Variants in SPRY3 observed in about 807,000 individuals in gnomAD.
SPRY3 encodes the protein protein sprouty homolog 3.
In SPRY3, 15 loss-of-function variants were observed where a neutral mutation model predicts 20.2. The observed-to-expected ratio is 0.74, with a 90% CI of 0.50 to 1.14. SPRY3 has a LOEUF of 1.14. Among genes scored for constraint, SPRY3 ranks in the 50% most tolerant of loss-of-function variants. The pLI is 0.00. For synonymous variants in SPRY3, 143 were observed against 136.5 expected (o/e 1.05, Z -0.33); for missense variants, 364 against 363.9 (o/e 1.00, Z 0.00).
At chrX:155,620,254 A>G in intron 1 of SPRY3, among the ~76,000 whole-genome samples, 1 of 111,426 alleles carries the variant, frequency 9.0e-6, no homozygotes, top group East Asian at 2.8e-4. Context: ...TTAGTTAAAC[A>G]CACTTTATAA....
At chrX:155,685,314 T>C (rs751396153) in intron 2 of SPRY3, among the ~76,000 whole-genome samples, 1 of 111,323 alleles carries the variant, frequency 9.0e-6, no homozygotes, top group Admixed American at 9.6e-5. Context: ...TTTCTATTGC[T>C]CTATCTTCAA....
At chrX:155,745,144 C>T (rs1370531106) in intron 2 of SPRY3, among the ~76,000 whole-genome samples, 1 of 152,052 alleles carries the variant, frequency 6.6e-6, no homozygotes, top group Non-Finnish European at 1.5e-5. Context: ...TTTCCCCAAG[C>T]TTGAGAAACT....
intron 2 of SPRY3, among the ~76,000 whole-genome samples, chrX:155,725,399 G>C (rs2091090409): frequency 6.6e-6 from 1 of 152,170 alleles, no homozygotes; most frequent in African/African-American, 2.4e-5. Context: ...AATGGTACCA[G>C]CTCCTCTTTG....
intron 2 of SPRY3, among the ~76,000 whole-genome samples, chrX:155,692,372 T>C (rs1197873607): frequency 9.0e-6 from 1 of 111,537 alleles, no homozygotes; most frequent in African/African-American, 3.3e-5. Context: ...CATGTCTGAG[T>C]CTATTATGTT....
intron 3 of SPRY3, among the ~76,000 whole-genome samples, chrX:155,772,946 A>G (rs2091390257): frequency 6.6e-6 from 1 of 152,052 alleles, no homozygotes; most frequent in African/African-American, 2.4e-5. Flanking sequence ...GATTTTTGAA[A>G]TAATTCAGGA....
intron 2 of SPRY3, among the ~76,000 whole-genome samples, chrX:155,752,920 C>T (rs2124584436): frequency 6.6e-6 from 1 of 151,862 alleles, no homozygotes; most frequent in Non-Finnish European, 1.5e-5. Context: ...ATCCAAAATA[C>T]ATGTAAAAGA....
At chrX:155,675,739 A>C in intron 2 of SPRY3, among the ~76,000 whole-genome samples, 1 of 111,896 alleles carries the variant, frequency 8.9e-6, no homozygotes, top group Middle Eastern at 4.6e-3. Context: ...TTGTGCCAAG[A>C]GTGCATAAAA....
intron 2 of SPRY3, among the ~76,000 whole-genome samples, chrX:155,749,813 G>A (rs892996520): frequency 2.0e-5 from 3 of 151,860 alleles, no homozygotes; most frequent in Admixed American, 2.0e-4. Context: ...ATGAAGAGCT[G>A]AAGTTTTGGA....
At chrX:155,754,405 G>T (rs1490069234) in intron 2 of SPRY3, among the ~76,000 whole-genome samples, 15 of 152,078 alleles carry the variant, frequency 9.9e-5, no homozygotes, top group African/African-American at 3.1e-4. Flanking sequence ...GATCATAAAC[G>T]TAAGGTTTTA....
At chrX:155,737,018 G>A (rs2091174755) in intron 2 of SPRY3, among the ~76,000 whole-genome samples, 1 of 151,720 alleles carries the variant, frequency 6.6e-6, no homozygotes, top group Admixed American at 6.6e-5. Flanking sequence ...GTGTTTTTTT[G>A]TTTCTAGCAT....
intron 2 of SPRY3, among the ~76,000 whole-genome samples, chrX:155,698,530 G>T (rs1266195573): frequency 8.9e-6 from 1 of 111,922 alleles, no homozygotes; most frequent in African/African-American, 3.2e-5. Flanking sequence ...CCAGGGAAGA[G>T]AAATAACTTA....
downstream of SPRY3, chrX:155,777,111 C>G (rs779110887): frequency 7.2e-5 from 12 of 167,072 alleles, no homozygotes; most frequent in African/African-American, 2.6e-4. Flanking sequence ...GTACTTTACA[C>G]TTATCTACCC....
In SPRY3 at chrX:155,635,072, G is replaced by A. The variant is rs1353881045; in HGVS notation, c.-440-21795G>A. ...CTCCCAACAGGCCCCAGCGTGTGAT[G>A]CCCCCCTCCCATGTCCATGTGTTCT... On this transcript the variant is annotated intron_variant, in intron 1 of 3. Transcript: ENST00000675360. Among the ~76,000 whole-genome samples, 11 of 108,300 alleles carry A rather than the reference G, an allele frequency of 1.0e-4. No homozygotes were observed. In the Admixed American group the frequency reaches 1.1e-3, roughly 11 times the overall value. The allele number at this position is 108,300 out of a possible 115,157, so 94.0% of individuals were successfully genotyped here.
intron 2 of SPRY3, among the ~76,000 whole-genome samples, chrX:155,704,171 C>G (rs1214387960): frequency 6.6e-6 from 1 of 151,564 alleles, no homozygotes; most frequent in Non-Finnish European, 1.5e-5. Context: ...AAGAAATATT[C>G]AAAATCAAAA....
Position 155,750,752 on chromosome X carries a change from C to T in SPRY3, c.-281-17210C>T, listed in dbSNP as rs139747963. ...GAGAGAGCAGATGGTATAAAATAGA[C>T]GGCTGGTGGGTTATAAAAATGTCAC... On this transcript the variant is annotated intron_variant, in intron 2 of 3. Coordinates refer to ENST00000675360, the Ensembl canonical transcript of SPRY3. 8.9e-3 allele frequency among the ~76,000 whole-genome samples: 1,358 copies of T among 151,822 alleles called. 5 individuals are homozygous for T. The highest frequency in any genetic ancestry group is 0.017 in the Middle Eastern group (5 of 294).
chrX:155,709,989 C>T (rs1368889271), intron 2 of SPRY3, among the ~76,000 whole-genome samples: 2 of 151,670 alleles, frequency 1.3e-5, no homozygotes, highest in Non-Finnish European at 3.0e-5. Flanking sequence ...GGATTTGTTT[C>T]TGGGTTCTCT....
At chrX:155,733,882 GCC>G (rs2091151041) in intron 2 of SPRY3, among the ~76,000 whole-genome samples, 1 of 152,014 alleles carries the variant, frequency 6.6e-6, no homozygotes, top group African/African-American at 2.4e-5. Context: ...TCATGAACCA[GCC>G]TCTGCTAGCT....
chrX:155,730,892 A>G (rs2091128492), intron 2 of SPRY3, among the ~76,000 whole-genome samples: 1 of 152,124 alleles, frequency 6.6e-6, no homozygotes, highest in Non-Finnish European at 1.5e-5. Flanking sequence ...AAAAGAAATC[A>G]AGAGAGTAAT....
At chrX:155,656,699 C>A (rs2067993458) in intron 1 of SPRY3, among the ~76,000 whole-genome samples, 1 of 111,529 alleles carries the variant, frequency 9.0e-6, no homozygotes, top group Non-Finnish European at 1.9e-5. Flanking sequence ...AATTTTCAGC[C>A]TTTTTACGCT....
Sources: allele counts gnomAD v4.1 joint callset (sites outside exome capture counted in the v4.1 genomes callset), GRCh38; gene constraint gnomAD v4.1.1; transcripts MANE v1.5; gene names NCBI Gene and HGNC (gene_info 2026-07-23, HGNC 2026-07-21).